The following ACP7 variants were observed in gnomAD, a reference collection of about 807,000 sequenced individuals.
ACP7 encodes the protein acid phosphatase 7, tartrate resistant (putative), also known as acid phosphatase type 7.
ACP7 carries 58 observed loss-of-function variants against 60.6 expected under a neutral mutation model. The observed-to-expected ratio is 0.96, with a 90% CI of 0.77 to 1.19. The LOEUF (loss-of-function observed/expected upper bound fraction) is 1.19. Ranked by LOEUF, ACP7 falls within the 50% of genes most tolerant of loss-of-function variation. ACP7 has a pLI of 0.00. For synonymous variants in ACP7, 237 were observed against 232.6 expected, an observed-to-expected ratio of 1.02 and a Z score of -0.17; for missense variants, 574 against 596.2, an observed-to-expected ratio of 0.96 and a Z score of 0.39.
chr19:39,085,122 C>A lies in ACP7; in HGVS notation c.-148C>A. 3 of 1,026,682 alleles carry A rather than the reference C, an allele frequency of 2.9e-6. No homozygotes were observed. The South Asian group carries it at 5.8e-5, about 20-fold the overall frequency. 63.6% of individuals were successfully genotyped at this position (1,026,682 alleles called of 1,614,324 possible). ...GGATAACCACCCATCTTGAAGGAGA[C>A]CTCCCTGCCCTGCCTCTGTTGTCCC... On this transcript the variant is annotated 5_prime_UTR_variant, in exon 2 of 13. Coordinates refer to ENST00000331256, the MANE Select transcript of ACP7 (RefSeq NM_001004318.3).
rs749146003 is a variant in ACP7, at chr19:39,098,589, G to A, written c.253G>A (p.Gly85Ser). Residue 85 changes from glycine (G) to serine (S), a missense_variant, in exon 3 of 13, where the codon GGC (glycine) becomes AGC (serine). Coordinates refer to ENST00000331256, the MANE Select transcript of ACP7 (RefSeq NM_001004318.3). ...QGTFVPFVDG[G>S]ILRRKLYIHR... is the part of the protein sequence containing the mutation. Reference sequence around the variant, plus strand: ...CACCTTCGTCCCCTTTGTGGACGGGGGCATTCTCCGGCGGAAGCTCTACAT... The same window carrying A: ...CACCTTCGTCCCCTTTGTGGACGGGAGCATTCTCCGGCGGAAGCTCTACAT... The A allele has an allele frequency of 1.9e-6, 3 of 1,613,690 alleles. No individual in the cohort carries two copies. The South Asian group carries it at 3.3e-5, about 18-fold the overall frequency.
chr19:39,101,224 A>C lies in ACP7; in HGVS notation c.973+17A>C. 1 of 1,614,112 alleles carries C rather than the reference A, an allele frequency of 6.2e-7. No individual in the cohort carries two copies. The highest frequency in any genetic ancestry group is 8.5e-7 in the Non-Finnish European group (1 of 1,179,992). On this transcript the variant is annotated intron_variant, in intron 9 of 12. Transcript: ENST00000331256. Reference sequence around the variant, plus strand: ...ACAAATATGGTGAGCGACCCTCAGGACCCATGCCCCACACCCCACCTCTCC... The same window carrying C: ...ACAAATATGGTGAGCGACCCTCAGGCCCCATGCCCCACACCCCACCTCTCC...
chr19:39,106,377 G>C (rs1456662492), intron 11 of ACP7, among the ~76,000 whole-genome samples: 2 of 152,154 alleles, frequency 1.3e-5, no homozygotes, highest in Non-Finnish European at 2.9e-5. Context: ...TGGGCGTTGG[G>C]ATGGCTTCCA....
rs2073141688 is a variant in ACP7, at chr19:39,086,427, C to T, written c.121+1037C>T. On this transcript the variant is annotated intron_variant, in intron 2 of 12. Transcript: ENST00000331256. ...GGTGGATCACTTGACCTCAGGGGTT[C>T]AAGACCAGCCTGGGTAACATGGGTG... 2.0e-5 allele frequency among the ~76,000 whole-genome samples: 3 copies of T among 151,902 alleles called. No homozygotes were observed. In the South Asian group the frequency reaches 6.2e-4, roughly 32 times the overall value.
At chr19:39,104,777 C>G (rs1039880570) in intron 11 of ACP7, among the ~76,000 whole-genome samples, 1 of 151,850 alleles carries the variant, frequency 6.6e-6, no homozygotes, top group African/African-American at 2.4e-5. Flanking sequence ...CCCAGCTACT[C>G]AGGAGGGTGA....
intron 12 of ACP7, 81 bp downstream of exon 12, chr19:39,107,165 G>A (rs1364280900): frequency 6.5e-6 from 9 of 1,391,152 alleles, no homozygotes; most frequent in African/African-American, 2.9e-5. Context: ...ACGTGGGCTC[G>A]GCCGGGCGCA....
At chr19:39,103,065 G>A (rs530390169) in intron 11 of ACP7, among the ~76,000 whole-genome samples, 2 of 151,390 alleles carry the variant, frequency 1.3e-5, no homozygotes, top group South Asian at 2.1e-4. Flanking sequence ...CTCAAACTCC[G>A]GACCTCGGGT....
At chr19:39,108,055 C>CA (rs1447529883) in intron 12 of ACP7, among the ~76,000 whole-genome samples, 1 of 151,122 alleles carries the variant, frequency 6.6e-6, no homozygotes, top group African/African-American at 2.4e-5. Context: ...TAACTCAAAA[C>CA]AAAAAAACGA....
intron 2 of ACP7, among the ~76,000 whole-genome samples, chr19:39,089,924 G>A (rs2073185430): frequency 6.6e-6 from 1 of 152,080 alleles, no homozygotes; most frequent in African/African-American, 2.4e-5. Flanking sequence ...GTGCCTGCTG[G>A]GTTTCTCCAC....
Position 39,099,161 on chromosome 19 carries a change from C to T in ACP7, c.505+19C>T. Reference sequence around the variant, plus strand: ...CATGTGGGTGAGGCATCCGCAGGGGCGCGCGCAGGGACGGTGGGGGGCGCG... The same window carrying T: ...CATGTGGGTGAGGCATCCGCAGGGGTGCGCGCAGGGACGGTGGGGGGCGCG... On this transcript the variant is annotated intron_variant, in intron 4 of 12. Transcript: ENST00000331256. 6.8e-7 allele frequency: 1 copy of T among 1,481,374 alleles called. No individual in the cohort carries two copies. Among genetic ancestry groups the T allele is most frequent in the Non-Finnish European group, 8.9e-7 (1 of 1,124,606 alleles). 91.8% of individuals were successfully genotyped at this position (1,481,374 alleles called of 1,614,324 possible). A position where few individuals can be genotyped will look rare whatever the true frequency, so the allele number is the denominator to read the frequency against.
At chr19:39,095,978 A>T (rs1477151059) in intron 2 of ACP7, among the ~76,000 whole-genome samples, 1 of 152,158 alleles carries the variant, frequency 6.6e-6, no homozygotes, top group Non-Finnish European at 1.5e-5. Flanking sequence ...TAGACTGCAC[A>T]CAGCACAGGG....
intron 2 of ACP7, among the ~76,000 whole-genome samples, chr19:39,087,759 A>T (rs1185953151): frequency 6.6e-6 from 1 of 150,502 alleles, no homozygotes; most frequent in Non-Finnish European, 1.5e-5. Flanking sequence ...TCAGCCTCCC[A>T]AGTATCTGGG....
At chr19:39,109,586 T>A (rs10424531) in intron 12 of ACP7, among the ~76,000 whole-genome samples, 7,572 of 146,690 alleles carry the variant, frequency 0.052, 494 homozygotes, top group African/African-American at 0.16. Context: ...ATGCCTGTAA[T>A]CCCAGCTACT....
chr19:39,104,164 AG>A, intron 11 of ACP7, among the ~76,000 whole-genome samples: 1 of 152,136 alleles, frequency 6.6e-6, no homozygotes, highest in Admixed American at 6.6e-5. Context: ...AAACAGTTAC[AG>A]AGGGCAGGAG....
intron 12 of ACP7, among the ~76,000 whole-genome samples, chr19:39,107,683 A>C (rs537442263): frequency 1.3e-4 from 20 of 151,572 alleles, no homozygotes; most frequent in Non-Finnish European, 2.2e-4. Flanking sequence ...GTCAGGAGTT[A>C]GAGACCAGCC....
chr19:39,100,699 G>A (rs1037547411), intron 6 of ACP7, 40 bp from the exon 7 acceptor site: 2 of 1,612,830 alleles, frequency 1.2e-6, no homozygotes, highest in Non-Finnish European at 1.7e-6. Context: ...GAGATGCAGG[G>A]GAGCCCTGGT....
At position 39,091,561 on chromosome 19, in the gene ACP7, C is replaced by T. The variant is rs569559718; in HGVS notation, c.121+6171C>T. On this transcript the variant is annotated intron_variant, in intron 2 of 12. Coordinates refer to ENST00000331256, the MANE Select transcript of ACP7 (RefSeq NM_001004318.3). ...ATTGCTTCTAGTTCCTCTCAACAAACACAGCGAGGCAATACATGCATGTAC... is the reference window on the plus strand; with the variant it reads ...ATTGCTTCTAGTTCCTCTCAACAAATACAGCGAGGCAATACATGCATGTAC... 9.2e-5 allele frequency among the ~76,000 whole-genome samples: 14 copies of T among 152,296 alleles called. No individual in the cohort carries two copies. In the East Asian group the frequency reaches 2.7e-3, roughly 29 times the overall value.
chr19:39,085,058 C>T (rs992031492), intron 1 of ACP7, 34 bp from the exon 2 acceptor site: 13 of 550,244 alleles, frequency 2.4e-5, no homozygotes, highest in Non-Finnish European at 3.4e-5. Context: ...GCTGCTGTTC[C>T]TTAGCGATTC....
At chr19:39,108,262 C>T (rs1053403122) in intron 12 of ACP7, among the ~76,000 whole-genome samples, 7 of 151,698 alleles carry the variant, frequency 4.6e-5, no homozygotes, top group Admixed American at 4.6e-4. Context: ...ACCTCAGCCT[C>T]CCGAGTAGCT....
Sources: allele counts gnomAD v4.1 joint callset (sites outside exome capture counted in the v4.1 genomes callset), GRCh38; gene constraint gnomAD v4.1.1; transcripts MANE v1.5; gene names NCBI Gene and HGNC (gene_info 2026-07-23, HGNC 2026-07-21).